Variants in MYO15B observed in about 807,000 individuals in gnomAD.
The protein encoded by MYO15B is myosin XVB.
Under a neutral mutation model 119.3 loss-of-function variants are expected in MYO15B, and 207 were observed. The ratio of observed to expected loss-of-function variants is 1.73; its 90% confidence interval spans 1.55 to 1.95. The LOEUF (loss-of-function observed/expected upper bound fraction) is 1.95, where lower values mean the gene tolerates loss of function less well. Ranked by LOEUF, MYO15B falls within the 30% of genes most tolerant of loss-of-function variation. The pLI is 0.00. For missense variants in MYO15B, 2,264 were observed against 1,203.1 expected (o/e 1.88, Z -13.04); for synonymous variants, 966 against 498.9 (o/e 1.94, Z -12.48).
chr17:75,618,327 C>T, intron 43 of MYO15B, 142 bp downstream of exon 43: 1 of 634,702 alleles, frequency 1.6e-6, no homozygotes, highest in Non-Finnish European at 2.9e-6. Context: ...GTGCCCAGAC[C>T]TGCCTTCATT....
chr17:75,601,496 A>G (rs2057283474), exon 15 of MYO15B: 1 of 703,072 alleles, frequency 1.4e-6, no homozygotes, highest in Non-Finnish European at 2.6e-6. Context: ...CACCCCAGCT[A>G]TGCCAAGCCC....
At chr17:75,592,612 G>A (rs1320178543) in intron 8 of MYO15B, 67 bp from the exon 9 acceptor site, 3 of 643,158 alleles carry the variant, frequency 4.7e-6, no homozygotes, top group African/African-American at 1.8e-5. Context: ...GGTCTGAGGA[G>A]TAGCCGGAGT....
At chr17:75,598,302 G>C (rs1044794226) in intron 14 of MYO15B, among the ~76,000 whole-genome samples, 1 of 150,868 alleles carries the variant, frequency 6.6e-6, no homozygotes, top group Admixed American at 6.6e-5. Context: ...AAATGGGCCA[G>C]GCGCGGTGGC....
At chr17:75,615,448 G>C in intron 34 of MYO15B, 55 bp from the exon 35 acceptor site, 1 of 673,072 alleles carries the variant, frequency 1.5e-6, no homozygotes, top group South Asian at 1.6e-5. Flanking sequence ...AGTGGGCAGC[G>C]AGCTTCAAGG....
chr17:75,605,456 T>TAAA, intron 19 of MYO15B, 48 bp from the exon 20 acceptor site: 1 of 623,868 alleles, frequency 1.6e-6, no homozygotes, highest in South Asian at 1.8e-5. Flanking sequence ...AAAAAAAGTG[T>TAAA]AAAAGGAGGT....
At chr17:75,607,059 A>T (rs1390294096) in intron 21 of MYO15B, 1 of 398,012 alleles carries the variant, frequency 2.5e-6, no homozygotes, top group African/African-American at 2.1e-5. Flanking sequence ...GGGAAGTCAG[A>T]TTCAGATGGT....
At chr17:75,620,279 A>G (rs764483005) in exon 48 of MYO15B, 1 of 702,978 alleles carries the variant, frequency 1.4e-6, no homozygotes, top group Admixed American at 2.0e-5. Context: ...GCGCAGCTAC[A>G]TCACTGACAA....
intron 14 of MYO15B, among the ~76,000 whole-genome samples, chr17:75,600,970 C>T (rs2057244678): frequency 6.7e-6 from 1 of 148,866 alleles, no homozygotes; most frequent in South Asian, 2.1e-4. Context: ...ATGGTGCCAT[C>T]GTGGCTCACT....
intron 12 of MYO15B, 38 bp from the exon 13 acceptor site, chr17:75,596,422 C>G: frequency 1.4e-6 from 1 of 702,266 alleles, no homozygotes; most frequent in Non-Finnish European, 2.6e-6. Context: ...GGGGAGGGCA[C>G]AGCCCCATGT....
At chr17:75,613,404 G>A (rs771014889) in exon 28 of MYO15B, 5 of 674,754 alleles carry the variant, frequency 7.4e-6, no homozygotes, top group Admixed American at 5.0e-5. Flanking sequence ...CCCACCCCCC[G>A]ACCCAGCTGG....
chr17:75,595,726 G>T (rs2056813982), intron 12 of MYO15B, among the ~76,000 whole-genome samples: 1 of 152,212 alleles, frequency 6.6e-6, no homozygotes, highest in African/African-American at 2.4e-5. Context: ...AGGCCCCAGG[G>T]TGGGCCCGCC....
chr17:75,605,984 C>T (rs2057620499), exon 21 of MYO15B: 3 of 701,978 alleles, frequency 4.3e-6, no homozygotes, highest in Non-Finnish European at 7.8e-6. Context: ...GCGCGTCCTG[C>T]CCCGGATGCA....
At chr17:75,597,763 A>G (rs2056963031) in intron 14 of MYO15B, among the ~76,000 whole-genome samples, 1 of 152,096 alleles carries the variant, frequency 6.6e-6, no homozygotes, top group Non-Finnish European at 1.5e-5. Flanking sequence ...AGAAAATACA[A>G]CAATTAGCCT....
In MYO15B at chr17:75,607,431, AATTATTATTATTATT is replaced by A. The variant is rs71721337; in HGVS notation, c.4292+1432_4292+1446del. On this transcript the variant is annotated intron_variant, in intron 21 of 63. Coordinates refer to ENST00000645453, the Ensembl canonical transcript of MYO15B. ...GTTCCAGGCTTGAGGGTTAATAATT[AATTATTATTATTATT>A]ATTATTATTATTATTATTATTTGAG... is the stretch of plus-strand genomic sequence containing the variant. Among the ~76,000 whole-genome samples, 67 of 140,472 alleles carry A rather than the reference AATTATTATTATTATT, an allele frequency of 4.8e-4. 1 individual carries two copies. Among genetic ancestry groups the A allele is most frequent in the Middle Eastern group, 7.1e-3 (2 of 280 alleles). The allele number at this position is 140,472 out of a possible 152,430, so 92.2% of individuals were successfully genotyped here. A position where few individuals can be genotyped will look rare whatever the true frequency, so the allele number is the denominator to read the frequency against.
intron 21 of MYO15B, among the ~76,000 whole-genome samples, chr17:75,606,598 T>C (rs942079773): frequency 6.6e-6 from 1 of 152,040 alleles, no homozygotes; most frequent in Non-Finnish European, 1.5e-5. Flanking sequence ...CTCAGCCTCC[T>C]GAGTAGCTGG....
At position 75,590,005 on chromosome 17, in the gene MYO15B, G is replaced by A. The variant is rs182828502; in HGVS notation, c.1948G>A (p.Gly650Ser). ...AGGCCCCCACGAGGGTCCTAGGCTT[G>A]GCGCCGCCGTGCTGCTACCCCGACT... Residue 650 changes from glycine (G) to serine (S), a missense_variant, in exon 1 of 64, where the codon GGC becomes AGC. Transcript: ENST00000645453. 2.6e-3 allele frequency: 1,037 copies of A among 398,784 alleles called. 6 individuals are homozygous for A. The highest frequency in any genetic ancestry group is 0.019 in the African/African-American group (941 of 48,752). The allele number at this position is 398,784 out of a possible 1,614,324, so 24.7% of individuals were successfully genotyped here.
rs971316748 is a variant in MYO15B at position 75,624,327 on chromosome 17, C to A, written c.8368-43C>A. The A allele has an allele frequency of 2.7e-5, 19 of 702,734 alleles. No homozygotes were observed. In the African/African-American group the frequency reaches 3.3e-4, roughly 12 times the overall value. 43.5% of individuals were successfully genotyped at this position (702,734 alleles called of 1,614,324 possible). A position where few individuals can be genotyped will look rare whatever the true frequency, so the allele number is the denominator to read the frequency against. Reference sequence around the variant, plus strand: ...ACCCTGGGGTGGGGAGTGTCTCCTACAGGAGACCACTGGCCGACTGACCCT... The same window carrying A: ...ACCCTGGGGTGGGGAGTGTCTCCTAAAGGAGACCACTGGCCGACTGACCCT... On this transcript the variant is annotated intron_variant, in intron 56 of 63. Coordinates refer to ENST00000645453, the Ensembl canonical transcript of MYO15B.
chr17:75,622,145 C>A (rs2058746206), intron 53 of MYO15B, 65 bp downstream of exon 53: 1 of 693,332 alleles, frequency 1.4e-6, no homozygotes, highest in African/African-American at 1.8e-5. Context: ...TGAAGGAGAT[C>A]CCCTTCTCTT....
exon 22 of MYO15B, chr17:75,610,179 C>T (rs527622337): frequency 4.6e-5 from 32 of 700,914 alleles, no homozygotes; most frequent in South Asian, 1.3e-4. Flanking sequence ...GCGGTACCTC[C>T]GGCGGCGGGC....
Sources: allele counts gnomAD v4.1 joint callset (sites outside exome capture counted in the v4.1 genomes callset), GRCh38; gene constraint gnomAD v4.1.1; transcripts MANE v1.5; gene names NCBI Gene and HGNC (gene_info 2026-07-23, HGNC 2026-07-21).